PCDH9: variants seen among roughly 807,000 people sequenced by gnomAD.
PCDH9 encodes protocadherin-9.
Under a neutral mutation model 70.6 loss-of-function variants are expected in PCDH9, and 24 were observed. That is an observed-to-expected ratio of 0.34 (90% CI 0.25 to 0.48). The LOEUF (loss-of-function observed/expected upper bound fraction) is 0.48, where lower values mean the gene tolerates loss of function less well. PCDH9 is among the 20% of genes least tolerant of loss of function. The pLI, the probability that PCDH9 is intolerant of heterozygous loss-of-function variation, is 0.99. For missense variants in PCDH9, 1,281 were observed against 1,503.6 expected (o/e 0.85, Z 2.45); for synonymous variants, 562 against 558.5 (o/e 1.01, Z -0.09).
intron 3 of PCDH9, among the ~76,000 whole-genome samples, chr13:66,658,404 T>A (rs556110014): frequency 6.6e-6 from 1 of 152,290 alleles, no homozygotes; most frequent in Non-Finnish European, 1.5e-5. Flanking sequence ...AACTATAGAA[T>A]AAACAATTCT....
intron 4 of PCDH9, among the ~76,000 whole-genome samples, chr13:66,527,234 A>G (rs1960257240): frequency 6.6e-6 from 1 of 152,006 alleles, no homozygotes; most frequent in African/African-American, 2.4e-5. Flanking sequence ...GGTGAAATAT[A>G]GCTGGTCACC....
intron 2 of PCDH9, among the ~76,000 whole-genome samples, chr13:67,099,492 T>C (rs191539595): frequency 1.3e-5 from 2 of 152,316 alleles, no homozygotes; most frequent in East Asian, 3.9e-4. Flanking sequence ...AGTCAATAAA[T>C]TTGGCATCTC....
At chr13:66,596,030 CAAT>C (rs2077098519) in intron 4 of PCDH9, among the ~76,000 whole-genome samples, 1 of 151,514 alleles carries the variant, frequency 6.6e-6, no homozygotes, top group African/African-American at 2.4e-5. Flanking sequence ...CATTTTTAAT[CAAT>C]AAGATCATTT....
intron 2 of PCDH9, among the ~76,000 whole-genome samples, chr13:67,197,222 A>G (rs1383551358): frequency 2.6e-5 from 4 of 151,968 alleles, no homozygotes; most frequent in Non-Finnish European, 4.4e-5. Flanking sequence ...CCTCAATTAT[A>G]TATTCAATAA....
At chr13:67,215,422 T>A (rs2089579666) in intron 2 of PCDH9, 1 of 152,064 alleles carries the variant, frequency 6.6e-6, no homozygotes, top group Non-Finnish European at 1.5e-5. Context: ...CAAACACGTA[T>A]CTCTATCAAG....
chr13:66,366,516 C>T (rs1200954964), intron 4 of PCDH9, among the ~76,000 whole-genome samples: 1 of 151,936 alleles, frequency 6.6e-6, no homozygotes, highest in Non-Finnish European at 1.5e-5. Flanking sequence ...CTTCTAATAG[C>T]ATTTCATTTC....
At chr13:66,395,739 C>T (rs891116937) in intron 4 of PCDH9, among the ~76,000 whole-genome samples, 43 of 152,300 alleles carry the variant, frequency 2.8e-4, no homozygotes, top group African/African-American at 9.4e-4. Context: ...GACTTATAAA[C>T]CAAAACATCA....
At chr13:67,178,135 T>A (rs924830576) in intron 2 of PCDH9, among the ~76,000 whole-genome samples, 32 of 152,100 alleles carry the variant, frequency 2.1e-4, no homozygotes, top group African/African-American at 7.2e-4. Flanking sequence ...TTACTGCAGA[T>A]GATATTATGT....
At chr13:67,103,625 T>G (rs937611512) in intron 2 of PCDH9, among the ~76,000 whole-genome samples, 1 of 152,182 alleles carries the variant, frequency 6.6e-6, no homozygotes, top group African/African-American at 2.4e-5. Flanking sequence ...CATATTTTAC[T>G]AATCTACTAT....
intron 3 of PCDH9, among the ~76,000 whole-genome samples, chr13:66,677,745 T>A (rs1466941226): frequency 6.6e-6 from 1 of 152,114 alleles, no homozygotes; most frequent in Non-Finnish European, 1.5e-5. Flanking sequence ...GTTAAGCAGA[T>A]GCCAGCACCA....
At chr13:66,866,405 C>A (rs1411502152) in intron 3 of PCDH9, among the ~76,000 whole-genome samples, 1 of 151,890 alleles carries the variant, frequency 6.6e-6, no homozygotes, top group East Asian at 1.9e-4. Context: ...TGGCGGGAAC[C>A]CGGGAGGCAG....
At chr13:66,657,362 C>A (rs1255967487) in intron 3 of PCDH9, among the ~76,000 whole-genome samples, 2 of 152,160 alleles carry the variant, frequency 1.3e-5, no homozygotes, top group East Asian at 3.9e-4. Context: ...ATCTGGCCAC[C>A]TGAACACAAA....
intron 3 of PCDH9, among the ~76,000 whole-genome samples, chr13:66,808,403 A>G (rs1359281802): frequency 1.3e-5 from 2 of 152,218 alleles, no homozygotes; most frequent in African/African-American, 4.8e-5. Context: ...TTTACTATTT[A>G]TAACAAATAC....
At chr13:66,989,586 ACCTCTTTACCAG>A (rs1226568265) in intron 2 of PCDH9, among the ~76,000 whole-genome samples, 2 of 151,838 alleles carry the variant, frequency 1.3e-5, no homozygotes, top group African/African-American at 4.8e-5. Context: ...TTTTCACTCA[ACCTCTTTACCAG>A]GAAGACTTTC....
At chr13:66,872,913 T>C (rs1017443776) in intron 3 of PCDH9, among the ~76,000 whole-genome samples, 4 of 152,146 alleles carry the variant, frequency 2.6e-5, no homozygotes, top group Admixed American at 1.3e-4. Flanking sequence ...GATGGCAACA[T>C]ACACACTGAT....
chr13:67,061,832 G>A (rs1171230964), intron 2 of PCDH9, among the ~76,000 whole-genome samples: 1 of 152,264 alleles, frequency 6.6e-6, no homozygotes, highest in East Asian at 1.9e-4. Context: ...GACCTTGTAA[G>A]AGCAGAATTC....
At chr13:66,414,080 T>C (rs969658914) in intron 4 of PCDH9, among the ~76,000 whole-genome samples, 4 of 152,080 alleles carry the variant, frequency 2.6e-5, no homozygotes, top group African/African-American at 9.7e-5. Context: ...TCTTAAATGA[T>C]TAAAAAGAAG....
At chr13:66,379,767 G>T (rs1956811742) in intron 4 of PCDH9, among the ~76,000 whole-genome samples, 1 of 152,092 alleles carries the variant, frequency 6.6e-6, no homozygotes, top group African/African-American at 2.4e-5. Context: ...TTAAAATACT[G>T]TGTCTGAATT....
In PCDH9 at chr13:66,413,152, C is replaced by T. The variant is rs543985349; in HGVS notation, c.3341-108124G>A. Among the ~76,000 whole-genome samples the T allele has an allele frequency of 1.8e-4, 27 of 152,288 alleles. 1 individual carries two copies. The South Asian group carries it at 2.3e-3, about 13-fold the overall frequency. ...TGCTTCTAATTCATTCCCTCTCTTT[C>T]CATAACTTGTCATGTTTCCATATGT... On this transcript the variant is annotated intron_variant, in intron 4 of 4. Transcript: ENST00000377865.
Sources: gnomAD v4.1 joint callset for allele counts (sites outside exome capture counted in the v4.1 genomes callset) on GRCh38, gnomAD v4.1.1 for gene constraint, MANE v1.5 for transcripts, NCBI Gene and HGNC (gene_info 2026-07-23, HGNC 2026-07-21) for gene names.